Variants in RBM23 observed in about 807,000 individuals in gnomAD.
The protein encoded by RBM23 is RNA binding motif protein 23.
Under a neutral mutation model 56.2 loss-of-function variants are expected in RBM23, and 53 were observed. The observed-to-expected ratio is 0.94, with a 90% CI of 0.76 to 1.19. The LOEUF is 1.19. Ranked by LOEUF, RBM23 falls within the 50% of genes most tolerant of loss-of-function variation. The pLI is 0.00. For synonymous variants in RBM23, 197 were observed against 198.5 expected, an observed-to-expected ratio of 0.99 and a Z score of 0.06; for missense variants, 642 against 590.3, an observed-to-expected ratio of 1.09 and a Z score of -0.91.
chr14:22,906,441 G>T lies in RBM23; in HGVS notation c.228-73C>A. ...ACAACCAAGTGCATATACAACAGTG[G>T]TCCCATAAGATTATAACGGTGCTGA... On this transcript the variant is annotated intron_variant, in intron 4 of 13. Coordinates refer to ENST00000359890, the MANE Select transcript of RBM23 (RefSeq NM_001077351.2). 7.1e-6 allele frequency: 11 copies of T among 1,540,338 alleles called. No homozygotes were observed. The South Asian group carries it at 1.3e-4, about 18-fold the overall frequency.
chr14:22,918,756 C>T (rs1336926249), intron 1 of RBM23, among the ~76,000 whole-genome samples: 1 of 152,168 alleles, frequency 6.6e-6, no homozygotes, highest in African/African-American at 2.4e-5. Flanking sequence ...ATTCTAGAAA[C>T]CGCATCTTTA....
At position 22,913,099 on chromosome 14, in the gene RBM23, G is replaced by A. The variant is rs115199622; in HGVS notation, c.-10-1696C>T. 4.6e-3 allele frequency among the ~76,000 whole-genome samples: 701 copies of A among 150,808 alleles called. 7 individuals carry two copies. Among genetic ancestry groups the A allele is most frequent in the African/African-American group, 0.015 (634 of 41,024 alleles). On this transcript the variant is annotated intron_variant, in intron 1 of 13. Transcript: ENST00000359890. The stretch of plus-strand genomic sequence containing the variant: ...CCTAGGGATAGAAGTAAGGGGAAGG[G>A]CTGGGAGAAAAAGATTTTAAAAGGG...
intron 1 of RBM23, 99 bp from the exon 2 acceptor site, chr14:22,911,502 A>T (rs566986855): frequency 1.1e-5 from 10 of 950,714 alleles, no homozygotes; most frequent in Non-Finnish European, 1.6e-5. Context: ...AGACTTCAGG[A>T]TATACAGATT....
rs2040987618 is a variant in RBM23 at position 22,903,543 on chromosome 14, GA to G, written c.930+717del. The G allele has an allele frequency of 2.7e-5, 27 of 986,672 alleles. No individual in the cohort carries two copies. The South Asian group carries it at 1.2e-3, about 45-fold the overall frequency. The allele number at this position is 986,672 out of a possible 1,614,324, so 61.1% of individuals were successfully genotyped here. On this transcript the variant is annotated intron_variant, in intron 10 of 13. Coordinates refer to ENST00000359890, the MANE Select transcript of RBM23 (RefSeq NM_001077351.2). ...TGTTATACATGGCTTGCCTTTACTGGATATTTTTGAGGTGAGCAATTCCAAT... is the reference window on the plus strand; with the variant it reads ...TGTTATACATGGCTTGCCTTTACTGGTATTTTTGAGGTGAGCAATTCCAAT...
At position 22,909,480 on chromosome 14, in the gene RBM23, CACTT is replaced by C. The variant is rs755134901; in HGVS notation, c.178_179+2del. The C allele has an allele frequency of 1.7e-5, 28 of 1,611,860 alleles. 1 individual carries two copies. Among genetic ancestry groups the C allele is most frequent in the African/African-American group, 1.6e-4 (12 of 74,984 alleles). On this transcript the variant is annotated splice_donor_variant and coding_sequence_variant, in exon 3 of 14. Coordinates refer to ENST00000359890, the MANE Select transcript of RBM23 (RefSeq NM_001077351.2). LOFTEE classifies it high-confidence loss of function. ...CCAACCCATTTCTTCCTCCCACACTCACTTGCTTGTCTCCCCGATGGTGCTGCTT... is the reference window on the plus strand; with the variant it reads ...CCAACCCATTTCTTCCTCCCACACTCGCTTGTCTCCCCGATGGTGCTGCTT...
Position 22,902,111 on chromosome 14 carries a change from A to C in RBM23, c.1127-12T>G. The stretch of plus-strand genomic sequence containing the variant: ...TTGGATTCCAGCGCCTAAAAGGAAA[A>C]GAAAAGGTGGGATTAAGCCCCAACC... On this transcript the variant is annotated splice_polypyrimidine_tract_variant and intron_variant, in intron 11 of 13. Transcript: ENST00000359890. 6.2e-7 allele frequency: 1 copy of C among 1,605,390 alleles called. No individual in the cohort carries two copies. Among genetic ancestry groups the C allele is most frequent in the Non-Finnish European group, 8.5e-7 (1 of 1,174,416 alleles).
chr14:22,913,433 T>TA (rs991038405), intron 1 of RBM23, among the ~76,000 whole-genome samples: 15 of 105,534 alleles, frequency 1.4e-4, no homozygotes, highest in Admixed American at 3.0e-4. Context: ...AAAAAAAAAT[T>TA]AAAAAAAATT....
chr14:22,909,443 T>C, intron 3 of RBM23, 40 bp downstream of exon 3: 2 of 1,530,710 alleles, frequency 1.3e-6, no homozygotes, highest in Non-Finnish European at 1.8e-6. Flanking sequence ...ACTGTTTCCC[T>C]TCCCCAAGTT....
rs375097386 is a variant in RBM23, at chr14:22,902,315, G to C, written c.998C>G (p.Pro333Arg). 6.2e-7 allele frequency: 1 copy of C among 1,614,100 alleles called. No homozygotes were observed. Residue 333 changes from proline to arginine, a missense_variant, in exon 11 of 14, where the codon CCT becomes CGT. Physicochemically the swap from Pro to Arg is moderately radical, Grantham distance 103. Transcript: ENST00000359890. ...CTCAGTCACATGGCCAACCCTCATA[G>C]GTCGACCAGCAAGCTCAAACCCATT... is the stretch of plus-strand genomic sequence containing the variant. Reference protein sequence around the residue: ...QLNGFELAGRPMRVGHVTERL... With the variant: ...QLNGFELAGRRMRVGHVTERL...
intron 5 of RBM23, 31 bp downstream of exon 5, chr14:22,906,164 C>T: frequency 6.2e-7 from 1 of 1,610,950 alleles, no homozygotes; most frequent in Non-Finnish European, 8.5e-7. Flanking sequence ...GATTATTATA[C>T]AAAAGTGAAT....
At chr14:22,914,268 T>C (rs1400553957) in intron 1 of RBM23, among the ~76,000 whole-genome samples, 3 of 143,166 alleles carry the variant, frequency 2.1e-5, no homozygotes, top group African/African-American at 5.3e-5. Flanking sequence ...GAGGTTGCAG[T>C]GAGCCAAGAT....
rs2041356287 is a variant in RBM23 at position 22,905,386 on chromosome 14, C to A, written c.523G>T (p.Ala175Ser). 1.2e-6 allele frequency: 2 copies of A among 1,614,140 alleles called. No individual in the cohort carries two copies. The highest frequency in any genetic ancestry group is 8.5e-7 in the Non-Finnish European group (1 of 1,180,032). The change falls in exon 7 of 14, where the codon GCC becomes TCC. Residue 175 changes from alanine to serine, a missense_variant. Physicochemically the swap from Ala to Ser is moderately conservative, Grantham distance 99. Coordinates refer to ENST00000359890, the MANE Select transcript of RBM23 (RefSeq NM_001077351.2). ...ARTVFCMQLA[A>S]RIRPRDLEDF... ...TCCAGATCTCGAGGCCGAATTCGGG[C>A]AGCTAACTGCATACAGAAAACTGTG...
At chr14:22,914,428 G>C (rs1433104736) in intron 1 of RBM23, among the ~76,000 whole-genome samples, 1 of 152,040 alleles carries the variant, frequency 6.6e-6, no homozygotes, top group Non-Finnish European at 1.5e-5. Flanking sequence ...GAGGGCAGAG[G>C]TTGCAGTGAG....
chr14:22,906,370 T>A lies in RBM23; in HGVS notation c.228-2A>T, dbSNP rs1369496860. 1.2e-6 allele frequency: 2 copies of A among 1,613,868 alleles called. No individual in the cohort carries two copies. The highest frequency in any genetic ancestry group is 1.3e-5 in the African/African-American group (1 of 74,920). ...TACCGATCCCGATCTCGACTACGAC[T>A]ACAGAGGGAAACAACTACAGTCATG... On this transcript the variant is annotated splice_acceptor_variant, in intron 4 of 13. Coordinates refer to ENST00000359890, the MANE Select transcript of RBM23 (RefSeq NM_001077351.2). LOFTEE classifies it high-confidence loss of function.
chr14:22,901,579 G>T lies in RBM23; in HGVS notation c.*151C>A, dbSNP rs1445050031. On this transcript the variant is annotated 3_prime_UTR_variant, in exon 14 of 14. Transcript: ENST00000359890. ...GGACCATGGGCAGGAGCTTTTCTTG[G>T]TATCTTAAGGGTGGCCCCAATTTCC... 4 of 1,138,306 alleles carry T rather than the reference G, an allele frequency of 3.5e-6. No individual in the cohort carries two copies. Among genetic ancestry groups the T allele is most frequent in the Non-Finnish European group, 3.8e-6 (3 of 788,380 alleles). 70.5% of individuals were successfully genotyped at this position (1,138,306 alleles called of 1,614,324 possible).
Position 22,901,807 on chromosome 14 carries a change from G to A in RBM23, c.1316+7C>T. On this transcript the variant is annotated splice_region_variant and intron_variant, in intron 13 of 13. Coordinates refer to ENST00000359890, the MANE Select transcript of RBM23 (RefSeq NM_001077351.2). ...AAGGCTAGAATGAGCTAGACCCTGA[G>A]ACTCACATGGTCTGGGGGGTAAAGA... is the stretch of plus-strand genomic sequence containing the variant. 6.2e-7 allele frequency: 1 copy of A among 1,614,188 alleles called. No individual in the cohort carries two copies. Among genetic ancestry groups the A allele is most frequent in the South Asian group, 1.1e-5 (1 of 91,084 alleles).
chr14:22,904,400 T>C (rs77283564), intron 9 of RBM23, 74 bp from the exon 10 acceptor site: 1 of 693,620 alleles, frequency 1.4e-6, no homozygotes, highest in East Asian at 5.0e-5. Flanking sequence ...CCAGACTGCT[T>C]TTTTTTTTTT....
At chr14:22,910,585 T>C (rs1456425097) in intron 2 of RBM23, among the ~76,000 whole-genome samples, 2 of 149,130 alleles carry the variant, frequency 1.3e-5, no homozygotes, top group Admixed American at 6.7e-5. Context: ...AAATTGCTGT[T>C]AAGTGGGCCA....
chr14:22,908,194 A>G, intron 4 of RBM23, 139 bp downstream of exon 4: 3 of 902,898 alleles, frequency 3.3e-6, no homozygotes, highest in Non-Finnish European at 4.9e-6. Flanking sequence ...GTAATTTTTA[A>G]ATTTTTTGTA....
Sources: allele counts gnomAD v4.1 joint callset (sites outside exome capture counted in the v4.1 genomes callset), GRCh38; gene constraint gnomAD v4.1.1; transcripts MANE v1.5; gene names NCBI Gene and HGNC (gene_info 2026-07-23, HGNC 2026-07-21).